The following NEK11 variants were observed in gnomAD, a reference collection of about 807,000 sequenced individuals.
NEK11 encodes the protein NIMA related kinase 11, also known as serine/threonine-protein kinase Nek11.
Under a neutral mutation model 80.7 loss-of-function variants are expected in NEK11, and 72 were observed. The ratio of observed to expected loss-of-function variants is 0.89; its 90% CI spans 0.74 to 1.08. NEK11 has a LOEUF of 1.08. NEK11 is among the 50% of genes least tolerant of loss of function. NEK11 has a pLI of 0.00. For missense variants in NEK11, 764 were observed against 763.6 expected, an observed-to-expected ratio of 1.00 and a Z score of -0.01; for synonymous variants, 251 against 260.7, an observed-to-expected ratio of 0.96 and a Z score of 0.36.
intron 17 of NEK11, among the ~76,000 whole-genome samples, chr3:131,287,890 G>T (rs2096492547): frequency 6.6e-6 from 1 of 152,138 alleles, no homozygotes; most frequent in Non-Finnish European, 1.5e-5. Flanking sequence ...CATCCCAGGG[G>T]TATCCCTTTC....
At chr3:131,207,742 C>T (rs892504909) in intron 14 of NEK11, among the ~76,000 whole-genome samples, 16 of 152,140 alleles carry the variant, frequency 1.1e-4, no homozygotes, top group Admixed American at 2.6e-4. Context: ...TTTCATGTGA[C>T]TGTTGGCTGC....
chr3:131,220,553 A>G (rs886970789), intron 14 of NEK11, among the ~76,000 whole-genome samples: 1 of 152,236 alleles, frequency 6.6e-6, no homozygotes, highest in African/African-American at 2.4e-5. Context: ...TGTTCTTATT[A>G]GAGCCTTATA....
chr3:131,144,328 A>G (rs576987869), intron 7 of NEK11, among the ~76,000 whole-genome samples: 2 of 152,298 alleles, frequency 1.3e-5, no homozygotes, highest in African/African-American at 4.8e-5. Context: ...AAAAAGAAAG[A>G]AATGCAAATT....
At chr3:131,276,431 T>C (rs1454406113) in intron 17 of NEK11, among the ~76,000 whole-genome samples, 5 of 152,112 alleles carry the variant, frequency 3.3e-5, no homozygotes, top group Admixed American at 1.3e-4. Context: ...CTGTGCTGAG[T>C]TGGGACAAGA....
At chr3:131,037,684 C>T (rs1262917508) in intron 3 of NEK11, among the ~76,000 whole-genome samples, 2 of 152,166 alleles carry the variant, frequency 1.3e-5, no homozygotes, top group Non-Finnish European at 2.9e-5. Flanking sequence ...AATAGCTGAT[C>T]ACCTTTAGCA....
intron 16 of NEK11, among the ~76,000 whole-genome samples, chr3:131,251,926 C>A (rs530787413): frequency 1.3e-5 from 2 of 152,190 alleles, no homozygotes; most frequent in South Asian, 4.1e-4. Flanking sequence ...CATAGCAGGA[C>A]CCTCATTACA....
intron 15 of NEK11, 115 bp downstream of exon 15, chr3:131,228,803 T>C: frequency 1.6e-5 from 16 of 999,734 alleles, no homozygotes; most frequent in Non-Finnish European, 2.1e-5. Flanking sequence ...AACAGGGTTA[T>C]TATAATAGCT....
At chr3:131,108,185 A>G (rs2079498748) in intron 4 of NEK11, among the ~76,000 whole-genome samples, 1 of 152,118 alleles carries the variant, frequency 6.6e-6, no homozygotes, top group Non-Finnish European at 1.5e-5. Flanking sequence ...TGCTAAGCAA[A>G]TATTTGCACA....
chr3:131,062,183 A>G (rs1041899962), intron 3 of NEK11, among the ~76,000 whole-genome samples: 2 of 152,246 alleles, frequency 1.3e-5, no homozygotes, highest in Non-Finnish European at 2.9e-5. Context: ...TTAGGGTGAC[A>G]GAACATGTGT....
chr3:131,287,364 C>G (rs2096486040), intron 17 of NEK11, among the ~76,000 whole-genome samples: 2 of 152,188 alleles, frequency 1.3e-5, no homozygotes, highest in Admixed American at 6.5e-5. Context: ...ACCTCCGCCT[C>G]CTGGGTTCAA....
At chr3:131,083,213 T>C (rs1404399377) in intron 4 of NEK11, among the ~76,000 whole-genome samples, 1 of 152,280 alleles carries the variant, frequency 6.6e-6, no homozygotes, top group Non-Finnish European at 1.5e-5. Context: ...CTATATTGTC[T>C]GAATTACATT....
chr3:131,165,640 A>G (rs1027535109), intron 12 of NEK11, 121 bp downstream of exon 12: 3 of 639,972 alleles, frequency 4.7e-6, no homozygotes, highest in South Asian at 2.0e-5. Flanking sequence ...ACTTCACCCA[A>G]TTCCAGGAAG....
At chr3:131,169,478 T>C (rs2092529936) in intron 13 of NEK11, among the ~76,000 whole-genome samples, 1 of 152,202 alleles carries the variant, frequency 6.6e-6, no homozygotes, top group Admixed American at 6.5e-5. Context: ...CATTTTCTGC[T>C]TGGCTGAATT....
chr3:131,092,135 A>C (rs866646668), intron 4 of NEK11, among the ~76,000 whole-genome samples: 1 of 152,208 alleles, frequency 6.6e-6, no homozygotes, highest in Non-Finnish European at 1.5e-5. Context: ...CAGTCTCTCA[A>C]AATTGGGCAT....
intron 4 of NEK11, 110 bp from the exon 5 acceptor site, chr3:131,109,691 CAG>C: frequency 9.2e-7 from 1 of 1,086,034 alleles, no homozygotes; most frequent in Middle Eastern, 3.2e-4. Context: ...GTGATAATTA[CAG>C]AATGGCACTT....
At chr3:131,342,153 G>A (rs892149767) in intron 17 of NEK11, among the ~76,000 whole-genome samples, 20 of 152,192 alleles carry the variant, frequency 1.3e-4, no homozygotes, top group African/African-American at 4.8e-4. Flanking sequence ...GCAGGCTATG[G>A]AAGCCTCTAC....
chr3:131,187,797 C>G (rs770859465), intron 14 of NEK11, among the ~76,000 whole-genome samples: 2 of 152,054 alleles, frequency 1.3e-5, no homozygotes, highest in Non-Finnish European at 2.9e-5. Flanking sequence ...GTGAAAGCCC[C>G]AAAAGTCACA....
At chr3:131,337,559 T>C (rs951590934) in intron 17 of NEK11, among the ~76,000 whole-genome samples, 22 of 151,986 alleles carry the variant, frequency 1.4e-4, no homozygotes, top group African/African-American at 4.4e-4. Context: ...GGCACATGTA[T>C]ACATATGTAA....
At chr3:131,326,026 A>G (rs1459136469) in intron 17 of NEK11, 1 of 152,236 alleles carries the variant, frequency 6.6e-6, no homozygotes, top group Non-Finnish European at 1.5e-5. Context: ...CAACCTTATG[A>G]TAAAGTTGGA....
Sources: allele counts gnomAD v4.1 joint callset (sites outside exome capture counted in the v4.1 genomes callset), GRCh38; gene constraint gnomAD v4.1.1; transcripts MANE v1.5; gene names NCBI Gene and HGNC (gene_info 2026-07-23, HGNC 2026-07-21).